The following ATG10 variants were observed in gnomAD, a reference collection of about 807,000 sequenced individuals.
ATG10 encodes the protein ubiquitin-like-conjugating enzyme ATG10.
In ATG10, 30 loss-of-function variants were observed where a neutral mutation model predicts 32.1. The ratio of observed to expected loss-of-function variants is 0.94; its 90% CI spans 0.70 to 1.27. The LOEUF is 1.27. ATG10 is among the 50% of genes most tolerant of loss of function. The pLI is 0.00. For missense variants in ATG10, 233 were observed against 262.3 expected (o/e 0.89, Z 0.77); for synonymous variants, 87 against 91.5 (o/e 0.95, Z 0.28).
At chr5:82,004,696 C>T (rs1761941572) in intron 2 of ATG10, among the ~76,000 whole-genome samples, 1 of 152,170 alleles carries the variant, frequency 6.6e-6, no homozygotes, top group South Asian at 2.1e-4. Context: ...ACGTGTGACT[C>T]ACGGTGAGTC....
intron 3 of ATG10, among the ~76,000 whole-genome samples, chr5:82,141,674 G>T (rs562303437): frequency 1.3e-5 from 2 of 151,890 alleles, no homozygotes; most frequent in Non-Finnish European, 2.9e-5. Context: ...AAATAATAAT[G>T]AGTATATAAA....
intron 3 of ATG10, among the ~76,000 whole-genome samples, chr5:82,094,436 A>G (rs1339927992): frequency 6.6e-6 from 1 of 152,134 alleles, no homozygotes; most frequent in Non-Finnish European, 1.5e-5. Flanking sequence ...TGATATATAT[A>G]GGTGACAAAA....
At chr5:82,190,811 G>T in intron 5 of ATG10, among the ~76,000 whole-genome samples, 1 of 140,934 alleles carries the variant, frequency 7.1e-6, no homozygotes, top group Non-Finnish European at 1.5e-5. Context: ...AAAATGGGGA[G>T]AATTCCATTG....
intron 1 of ATG10, among the ~76,000 whole-genome samples, chr5:81,986,119 A>G (rs1250931780): frequency 6.6e-6 from 1 of 152,024 alleles, no homozygotes; most frequent in Non-Finnish European, 1.5e-5. Context: ...CGTGTTAGCC[A>G]GGATGGTCTG....
At chr5:82,124,060 C>T (rs1766152010) in intron 3 of ATG10, among the ~76,000 whole-genome samples, 1 of 150,356 alleles carries the variant, frequency 6.7e-6, no homozygotes, top group African/African-American at 2.4e-5. Context: ...TTTTTTTCCA[C>T]TTATATTCCA....
intron 3 of ATG10, among the ~76,000 whole-genome samples, chr5:82,127,414 G>A (rs1420368309): frequency 6.6e-6 from 1 of 152,058 alleles, no homozygotes; most frequent in Non-Finnish European, 1.5e-5. Context: ...CCTCCTGTGG[G>A]CATTTAGTGC....
intron 3 of ATG10, among the ~76,000 whole-genome samples, chr5:82,144,949 T>C (rs1260307815): frequency 1.3e-5 from 2 of 152,140 alleles, no homozygotes; most frequent in East Asian, 3.8e-4. Flanking sequence ...CAATTTTTGC[T>C]TCATATAATT....
chr5:81,998,520 T>A (rs1294757589), intron 2 of ATG10, among the ~76,000 whole-genome samples: 1 of 152,078 alleles, frequency 6.6e-6, no homozygotes, highest in Non-Finnish European at 1.5e-5. Flanking sequence ...ATAACATTGA[T>A]CAAATCCACA....
chr5:82,024,862 C>T (rs1762550732), intron 2 of ATG10, among the ~76,000 whole-genome samples: 1 of 152,156 alleles, frequency 6.6e-6, no homozygotes, highest in Non-Finnish European at 1.5e-5. Flanking sequence ...TGTTGACATT[C>T]TCGTATGAAA....
chr5:82,067,412 C>T (rs1221741564), intron 3 of ATG10, among the ~76,000 whole-genome samples: 1 of 152,038 alleles, frequency 6.6e-6, no homozygotes, highest in African/African-American at 2.4e-5. Flanking sequence ...CAGAAAGCAA[C>T]ATGTAGAGAT....
At position 82,024,351 on chromosome 5, in the gene ATG10, G is replaced by A. The variant is rs531428271; in HGVS notation, c.109-34144G>A. The stretch of plus-strand genomic sequence containing the variant: ...ATTCTAAGGCAGCATTACTCAAAGC[G>A]TGGCCTACACTGGTAACAGTGCAAG... On this transcript the variant is annotated intron_variant, in intron 2 of 7. Coordinates refer to ENST00000282185, the MANE Select transcript of ATG10 (RefSeq NM_031482.5). 1.7e-4 allele frequency among the ~76,000 whole-genome samples: 26 copies of A among 152,322 alleles called. 1 individual carries two copies. The highest frequency in any genetic ancestry group is 3.4e-3 in the Middle Eastern group (1 of 294).
intron 3 of ATG10, among the ~76,000 whole-genome samples, chr5:82,145,548 C>T (rs995526913): frequency 6.6e-6 from 1 of 151,872 alleles, no homozygotes; most frequent in Non-Finnish European, 1.5e-5. Flanking sequence ...TATTCTTCAC[C>T]ATCCTTTATA....
intron 3 of ATG10, among the ~76,000 whole-genome samples, chr5:82,117,215 A>G (rs1581704993): frequency 6.6e-6 from 1 of 152,228 alleles, no homozygotes; most frequent in East Asian, 1.9e-4. Context: ...AGTTGTTATA[A>G]TGGAAGCATA....
intron 2 of ATG10, among the ~76,000 whole-genome samples, chr5:82,043,433 T>G (rs1763145098): frequency 6.6e-6 from 1 of 152,198 alleles, no homozygotes; most frequent in Admixed American, 6.5e-5. Context: ...CTGGAGACAT[T>G]TTTCCCCATT....
chr5:82,065,390 G>A (rs543421771), intron 3 of ATG10, among the ~76,000 whole-genome samples: 2 of 151,838 alleles, frequency 1.3e-5, no homozygotes, highest in South Asian at 4.1e-4. Context: ...GCTGAGGCAG[G>A]AGAATTGCTT....
intron 3 of ATG10, among the ~76,000 whole-genome samples, chr5:82,075,023 C>T (rs1764230569): frequency 6.6e-6 from 1 of 152,164 alleles, no homozygotes; most frequent in Non-Finnish European, 1.5e-5. Flanking sequence ...GGAGGAGAAA[C>T]CCTCCTGGGT....
chr5:81,977,544 A>T (rs566579932), intron 1 of ATG10, among the ~76,000 whole-genome samples: 118 of 152,238 alleles, frequency 7.8e-4, no homozygotes, highest in African/African-American at 2.6e-3. Flanking sequence ...ATTAGACCTT[A>T]TTTGCCCATA....
At chr5:81,979,636 C>G (rs1037618989) in intron 1 of ATG10, among the ~76,000 whole-genome samples, 3 of 151,398 alleles carry the variant, frequency 2.0e-5, no homozygotes, top group East Asian at 3.9e-4. Context: ...GCATTTGTTG[C>G]AGTGGGTGAA....
intron 2 of ATG10, among the ~76,000 whole-genome samples, chr5:82,027,572 G>A (rs575535025): frequency 1.8e-4 from 27 of 152,260 alleles, no homozygotes; most frequent in African/African-American, 6.3e-4. Flanking sequence ...AATGCAGAAA[G>A]TTCCCTAACT....
Sources: allele counts gnomAD v4.1 joint callset (sites outside exome capture counted in the v4.1 genomes callset), GRCh38; gene constraint gnomAD v4.1.1; transcripts MANE v1.5; gene names NCBI Gene and HGNC (gene_info 2026-07-23, HGNC 2026-07-21).